PLEC: variants seen among roughly 807,000 people sequenced by gnomAD.
PLEC encodes plectin.
Under a neutral mutation model 392.8 loss-of-function variants are expected in PLEC, and 216 were observed. The ratio of observed to expected loss-of-function variants is 0.55; its 90% CI spans 0.49 to 0.62. PLEC has a LOEUF of 0.62. Ranked by LOEUF, PLEC falls within the 20% of genes least tolerant of loss-of-function variation. The pLI is 0.00. For missense variants in PLEC, 6,863 were observed against 6,563.4 expected, an observed-to-expected ratio of 1.05 and a Z score of -1.58; for synonymous variants, 3,621 against 2,980.6, an observed-to-expected ratio of 1.21 and a Z score of -7.00.
At chr8:143,950,452 G>A (rs1832021886) in exon 1 of PLEC, 3 of 1,605,020 alleles carry the variant, frequency 1.9e-6, no homozygotes, top group Non-Finnish European at 2.5e-6. Flanking sequence ...GCAGGTGCAG[G>A]TACTGGCGGA....
At chr8:143,933,496 C>T (rs1283999486) in intron 12 of PLEC, 145 bp from the exon 13 acceptor site, 7 of 956,832 alleles carry the variant, frequency 7.3e-6, no homozygotes, top group East Asian at 2.5e-5. Flanking sequence ...CCCTCCCTGC[C>T]CACCTCACAC....
chr8:143,924,402 C>T lies in PLEC; in HGVS notation c.5527G>A (p.Gly1843Ser), dbSNP rs781804005. 14 of 1,593,776 alleles carry T rather than the reference C, an allele frequency of 8.8e-6. No individual in the cohort carries two copies. The highest frequency in any genetic ancestry group is 2.7e-5 in the African/African-American group (2 of 74,580). ...TCCGTCTTGAGCCGCGTGGCCTCGCCGATGGCGGCCAGCTTCTCCGCAAGC... is the reference window on the plus strand; with the variant it reads ...TCCGTCTTGAGCCGCGTGGCCTCGCTGATGGCGGCCAGCTTCTCCGCAAGC... ...RVLAEKLAAI[G>S]EATRLKTEAE... is the part of the protein sequence containing the mutation. Residue 1843 changes from glycine (G) to serine (S), a missense_variant, in exon 31 of 32, where the codon GGC becomes AGC. Gly to Ser is a moderately conservative substitution (Grantham distance 56). Transcript: ENST00000345136.
At position 143,922,800 on chromosome 8, in the gene PLEC, C is replaced by T. The variant is rs782404820; in HGVS notation, c.7129G>A (p.Glu2377Lys). 3.8e-6 allele frequency: 6 copies of T among 1,590,802 alleles called. No homozygotes were observed. The South Asian group carries it at 5.6e-5, about 15-fold the overall frequency. The part of the protein sequence containing the change: ...TLEAERQRQL[E>K]MSAEAERLKL... ...AGGCGCTCAGCCTCAGCGCTCATCT[C>T]CAGCTGCCGCTGCCGCTCGGCCTCC... is the stretch of plus-strand genomic sequence containing the variant. Residue 2377 changes from glutamate (E) to lysine (K), a missense_variant, in exon 31 of 32, where the codon GAG becomes AAG. Glu to Lys is a moderately conservative substitution (Grantham distance 56). Coordinates refer to ENST00000345136, the MANE Select transcript of PLEC (RefSeq NM_201384.3).
At chr8:143,954,214 C>G (rs193262964), upstream of PLEC, among the ~76,000 whole-genome samples, 63 of 152,290 alleles carry the variant, frequency 4.1e-4, 1 homozygote, top group African/African-American at 1.5e-3. This position sits in a 1 kb window ranked among gnomAD's most constrained non-coding sequence, Gnocchi z 4.6. Context: ...CCATCCAGAT[C>G]TCCCAGTAAC....
chr8:143,924,326 C>T lies in PLEC; in HGVS notation c.5603G>A (p.Arg1868Gln), dbSNP rs781963173. ...CTGGAAGGCCTCGTCCTCCGCCAGC[C>T]GCCGCAGGCGCTCGTTCTCCGCCTC... ...EKEAENERLRRLAEDEAFQRR... is the reference protein window; with the variant it reads ...EKEAENERLRQLAEDEAFQRR... Residue 1868 changes from arginine to glutamine, a missense_variant, in exon 31 of 32, where the codon CGG becomes CAG. Transcript: ENST00000345136. 13 of 1,595,756 alleles carry T rather than the reference C, an allele frequency of 8.1e-6. No individual in the cohort carries two copies. The highest frequency in any genetic ancestry group is 6.7e-5 in the East Asian group (3 of 44,658).
chr8:143,920,251 G>A lies in PLEC; in HGVS notation c.9570C>T (p.Ala3190=). ...AYSDPSTGEP[A]TYGELQQRCR... The stretch of plus-strand genomic sequence containing the variant: ...ACCGCTGCTGGAGCTCGCCGTAGGT[G>A]GCCGGCTCCCCTGTGCTGGGGTCAC... Residue 3190 remains alanine (A), a synonymous_variant, in exon 32 of 32, where the codon GCC becomes GCT. Coordinates refer to ENST00000345136, the MANE Select transcript of PLEC (RefSeq NM_201384.3). 1.9e-6 allele frequency: 3 copies of A among 1,599,546 alleles called. No homozygotes were observed. Among genetic ancestry groups the A allele is most frequent in the Non-Finnish European group, 1.7e-6 (2 of 1,178,018 alleles).
intron 28 of PLEC, 23 bp downstream of exon 28, chr8:143,927,229 T>G: frequency 6.2e-7 from 1 of 1,608,696 alleles, no homozygotes; most frequent in African/African-American, 1.3e-5. Context: ...ACTTGGGGCC[T>G]GGTGCAGGCG....
intron 19 of PLEC, 27 bp from the exon 20 acceptor site, chr8:143,930,563 G>A (rs782177444): frequency 1.6e-5 from 25 of 1,564,398 alleles, no homozygotes; most frequent in African/African-American, 6.8e-5. Context: ...GCATCCAGAC[G>A]AGGGCCATGG....
rs542039891 is a variant in PLEC at position 143,929,836 on chromosome 8, G to A, written c.2740-7C>T. 1.0e-5 allele frequency: 16 copies of A among 1,599,632 alleles called. No homozygotes were observed. In the East Asian group the frequency reaches 3.1e-4, roughly 31 times the overall value. On this transcript the variant is annotated splice_region_variant and splice_polypyrimidine_tract_variant and intron_variant, in intron 22 of 31. Coordinates refer to ENST00000345136, the MANE Select transcript of PLEC (RefSeq NM_201384.3). ...CTGGCTTCAGGGTGCGGAACTGGGG[G>A]AAGCACGTGGGGCTGAGTGCCGGGC...
chr8:143,958,074 G>T (rs1554739732), upstream of PLEC, among the ~76,000 whole-genome samples: 1 of 152,188 alleles, frequency 6.6e-6, no homozygotes, highest in East Asian at 1.9e-4. This position sits in a 1 kb window ranked among gnomAD's most constrained non-coding sequence, Gnocchi z 4.9. Flanking sequence ...TGAGCCTGCG[G>T]CAGGTCCACA....
upstream of PLEC, chr8:143,943,995 CG>C: frequency 1.3e-6 from 2 of 1,521,802 alleles, no homozygotes; most frequent in Non-Finnish European, 1.8e-6. Context: ...GGGGGAGCGC[CG>C]GGACCGGAGC....
At chr8:143,961,776 A>G (rs1302473550) in intron 1 of PLEC, among the ~76,000 whole-genome samples, 1 of 152,244 alleles carries the variant, frequency 6.6e-6, no homozygotes, top group Non-Finnish European at 1.5e-5. Context: ...ATAACATTAA[A>G]TCATGAAATT....
intron 1 of PLEC, among the ~76,000 whole-genome samples, chr8:143,970,608 G>C (rs1050642280): frequency 2.6e-5 from 4 of 152,172 alleles, no homozygotes; most frequent in Admixed American, 6.5e-5. Context: ...GGTTTCAGTA[G>C]ATTCGGAGTT....
At position 143,933,339 on chromosome 8, in the gene PLEC, G is replaced by A; in HGVS notation, c.1276C>T (p.Leu426=). 6.2e-7 allele frequency: 1 copy of A among 1,611,558 alleles called. No homozygotes were observed. The highest frequency in any genetic ancestry group is 8.5e-7 in the Non-Finnish European group (1 of 1,179,956). Residue 426 remains leucine, a synonymous_variant, in exon 13 of 32, where the codon CTG becomes TTG. Coordinates refer to ENST00000345136, the MANE Select transcript of PLEC (RefSeq NM_201384.3). ...DALLQSDVRL[L]AAGKVPQRAG... ...CGCTGTGGCACTTTGCCTGCAGCCA[G>A]CAGCCGGACATCCTGCAAGGTCGTT...
chr8:143,957,474 C>T (rs138652279), upstream of PLEC, among the ~76,000 whole-genome samples: 1 of 152,320 alleles, frequency 6.6e-6, no homozygotes, highest in Non-Finnish European at 1.5e-5. Flanking sequence ...CATCAGGTCT[C>T]CTGGCCAGGT....
At chr8:143,965,139 T>G (rs549459900) in intron 1 of PLEC, among the ~76,000 whole-genome samples, 2 of 151,960 alleles carry the variant, frequency 1.3e-5, no homozygotes, top group South Asian at 4.1e-4. Context: ...CCTGGGGCCT[T>G]CCTTTCCTGC....
Position 143,939,366 on chromosome 8 carries a change from G to A in PLEC, c.96C>T (p.Ala32=). The A allele has an allele frequency of 6.2e-7, 1 of 1,612,450 alleles. No homozygotes were observed. The highest frequency in any genetic ancestry group is 8.5e-7 in the Non-Finnish European group (1 of 1,179,716). Residue 32 remains alanine (A), a synonymous_variant, in exon 1 of 32, where the codon GCC becomes GCT. Transcript: ENST00000345136. The part of the protein sequence containing the change: ...EDNLYLAVLR[A]SEGKKDERDR... ...CCCTGCTACCTTTCTTGCCCTCAGA[G>A]GCCCTGAGCACAGCCAGGTACAGGT...
At chr8:143,976,241 G>A (rs1833657935), upstream of PLEC, among the ~76,000 whole-genome samples, 1 of 152,174 alleles carries the variant, frequency 6.6e-6, no homozygotes. Context: ...ATACCCACGC[G>A]CGCACACTCC....
chr8:143,938,240 C>T lies in PLEC; in HGVS notation c.175G>A (p.Ala59Thr). 6.3e-7 allele frequency: 1 copy of T among 1,597,186 alleles called. No homozygotes were observed. Among genetic ancestry groups the T allele is most frequent in the South Asian group, 1.1e-5 (1 of 88,996 alleles). Residue 59 changes from alanine (A) to threonine (T), a missense_variant and splice_region_variant, in exon 3 of 32, where the codon GCC becomes ACC. Transcript: ENST00000345136. The stretch of plus-strand genomic sequence containing the variant: ...TACAGGTCACTGATGTGCCTCTGGG[C>T]CTGTGGGGACAGCAGCGGCTGAGGT... ...TKWVNKHLIK[A>T]QRHISDLYED...
Sources: gnomAD v4.1 joint callset for allele counts (sites outside exome capture counted in the v4.1 genomes callset) on GRCh38, gnomAD v4.1.1 for gene constraint, Gnocchi (gnomAD v3.1) non-coding constraint, MANE v1.5 for transcripts, NCBI Gene and HGNC (gene_info 2026-07-23, HGNC 2026-07-21) for gene names.